The following ROR1 variants were observed in gnomAD, a reference collection of about 807,000 sequenced individuals.
ROR1 encodes inactive tyrosine-protein kinase transmembrane receptor ROR1.
In ROR1, 19 loss-of-function variants were observed where a neutral mutation model predicts 78.8. The ratio of observed to expected loss-of-function variants is 0.24; its 90% CI spans 0.17 to 0.35. The LOEUF is 0.35. Among genes scored for constraint, ROR1 ranks in the 10% least tolerant of loss-of-function variants. ROR1 has a pLI of 1.00. For synonymous variants in ROR1, 386 were observed against 433.6 expected, an observed-to-expected ratio of 0.89 and a Z score of 1.36; for missense variants, 917 against 1,177.8, an observed-to-expected ratio of 0.78 and a Z score of 3.24.
intron 1 of ROR1, among the ~76,000 whole-genome samples, chr1:63,871,678 AG>A (rs1312625573): frequency 6.6e-6 from 1 of 152,210 alleles, no homozygotes; most frequent in African/African-American, 2.4e-5. Context: ...TATTTTGTAA[AG>A]CTGTAATTTA....
At chr1:64,084,741 C>G (rs535568620) in intron 4 of ROR1, among the ~76,000 whole-genome samples, 1 of 152,292 alleles carries the variant, frequency 6.6e-6, no homozygotes, top group African/African-American at 2.4e-5. Context: ...GTTAATTACC[C>G]CCCAAACTCC....
intron 1 of ROR1, among the ~76,000 whole-genome samples, chr1:63,977,932 G>A (rs1646174916): frequency 6.6e-6 from 1 of 152,128 alleles, no homozygotes; most frequent in South Asian, 2.1e-4. Flanking sequence ...GAGCACTTAA[G>A]TTCAACCTCC....
intron 4 of ROR1, among the ~76,000 whole-genome samples, chr1:64,097,214 G>A (rs1647332999): frequency 9.5e-6 from 1 of 105,426 alleles, no homozygotes; most frequent in Non-Finnish European, 1.8e-5. Flanking sequence ...GGCTTTAGAG[G>A]TGACTTGCAT....
chr1:63,879,574 G>A (rs1448377250), intron 1 of ROR1, among the ~76,000 whole-genome samples: 1 of 152,096 alleles, frequency 6.6e-6, no homozygotes, highest in Non-Finnish European at 1.5e-5. Context: ...AGATAGGTTT[G>A]CAAAACACTG....
rs748051086 is a variant in ROR1 at position 63,785,505 on chromosome 1, A to AT, written c.91+11000dup. On this transcript the variant is annotated intron_variant, in intron 1 of 8. Coordinates refer to ENST00000371079, the MANE Select transcript of ROR1 (RefSeq NM_005012.4). ...AACTATATATATATATATTTTATTT[A>AT]TTTATTTATTTATTTATTTATTTAA... is the stretch of plus-strand genomic sequence containing the variant. 5.1e-4 allele frequency among the ~76,000 whole-genome samples: 35 copies of AT among 68,336 alleles called. No homozygotes were observed. In the African/African-American group the frequency reaches 8.4e-3, roughly 16 times the overall value. The allele number at this position is 68,336 out of a possible 152,430, so 44.8% of individuals were successfully genotyped here.
chr1:64,069,912 A>G (rs1646989911), intron 4 of ROR1, among the ~76,000 whole-genome samples: 1 of 152,162 alleles, frequency 6.6e-6, no homozygotes, highest in South Asian at 2.1e-4. Flanking sequence ...GTACATTCAC[A>G]GTGTGGTATG....
At chr1:64,078,562 T>C (rs1160293906) in intron 4 of ROR1, among the ~76,000 whole-genome samples, 2 of 152,134 alleles carry the variant, frequency 1.3e-5, no homozygotes, top group South Asian at 4.1e-4. Context: ...ATGCAGAGCC[T>C]ATTCCTAGGG....
chr1:63,837,233 C>T (rs1450086236), intron 1 of ROR1, among the ~76,000 whole-genome samples: 1 of 152,200 alleles, frequency 6.6e-6, no homozygotes, highest in Admixed American at 6.5e-5. Context: ...GGGCTGCATT[C>T]ATTTCCCAAA....
chr1:64,162,772 T>C (rs370208130), intron 8 of ROR1, among the ~76,000 whole-genome samples: 4 of 152,348 alleles, frequency 2.6e-5, no homozygotes, highest in South Asian at 4.1e-4. Context: ...AATTTTACAA[T>C]CTGAGTGAGG....
intron 4 of ROR1, among the ~76,000 whole-genome samples, chr1:64,085,965 A>G (rs113193040): frequency 1.5e-4 from 23 of 152,326 alleles, no homozygotes; most frequent in Non-Finnish European, 7.4e-5. Flanking sequence ...ATGGCGGGAA[A>G]GAAAAACAGC....
rs566660660 is a variant in ROR1 at position 64,139,785 on chromosome 1, G to A, written c.611-324G>A. On this transcript the variant is annotated intron_variant, in intron 5 of 8. Coordinates refer to ENST00000371079, the MANE Select transcript of ROR1 (RefSeq NM_005012.4). ...AGAAGCCTCACAAAACTAATAAAAA[G>A]CACCAGATGAAACACAAAGTTCGAT... 7.9e-5 allele frequency among the ~76,000 whole-genome samples: 12 copies of A among 152,224 alleles called. No individual in the cohort carries two copies. The South Asian group carries it at 1.0e-3, about 13-fold the overall frequency.
chr1:63,928,572 G>A (rs990427960), intron 1 of ROR1, among the ~76,000 whole-genome samples: 10 of 152,142 alleles, frequency 6.6e-5, no homozygotes, highest in Admixed American at 1.3e-4. Context: ...CACTAATGTG[G>A]TGATAAGACT....
At chr1:63,877,055 A>C (rs989416533) in intron 1 of ROR1, among the ~76,000 whole-genome samples, 1 of 152,142 alleles carries the variant, frequency 6.6e-6, no homozygotes, top group Non-Finnish European at 1.5e-5. Context: ...CACAATGATT[A>C]GCGCTAACTT....
chr1:64,100,770 A>G (rs973123361), intron 4 of ROR1, among the ~76,000 whole-genome samples: 13 of 152,186 alleles, frequency 8.5e-5, no homozygotes, highest in Admixed American at 7.9e-4. Context: ...TCTACCCACC[A>G]CAGGAAAACA....
rs928437648 is a variant in ROR1 at position 64,173,839 on chromosome 1, C to G, written c.1387-3589C>G. Among the ~76,000 whole-genome samples, 17 of 152,186 alleles carry G rather than the reference C, an allele frequency of 1.1e-4. 1 individual carries two copies. The highest frequency in any genetic ancestry group is 9.2e-4 in the Admixed American group (14 of 15,280). ...AGTTTGGCTGGCTTGCTTCCTTTACCCATCTGCTACCATCCACTCTTCCAC... is the reference window on the plus strand; with the variant it reads ...AGTTTGGCTGGCTTGCTTCCTTTACGCATCTGCTACCATCCACTCTTCCAC... On this transcript the variant is annotated intron_variant, in intron 8 of 8. Transcript: ENST00000371079.
intron 1 of ROR1, among the ~76,000 whole-genome samples, chr1:63,777,999 C>T (rs1423361234): frequency 6.6e-6 from 1 of 152,190 alleles, no homozygotes; most frequent in African/African-American, 2.4e-5. Flanking sequence ...CTTGTCCCAT[C>T]TTCTAGTATG....
chr1:64,122,168 T>A (rs1258747747), intron 4 of ROR1, among the ~76,000 whole-genome samples: 1 of 152,136 alleles, frequency 6.6e-6, no homozygotes, highest in Non-Finnish European at 1.5e-5. Flanking sequence ...AAGATCCAAT[T>A]TGTGAGCTAG....
At chr1:64,097,267 C>T (rs1647335154) in intron 4 of ROR1, among the ~76,000 whole-genome samples, 2 of 152,030 alleles carry the variant, frequency 1.3e-5, no homozygotes, top group African/African-American at 4.8e-5. Flanking sequence ...CAGCAACAGA[C>T]AGTGGAATCC....
chr1:64,149,749 G>A (rs1020876839), intron 7 of ROR1, among the ~76,000 whole-genome samples: 1 of 152,190 alleles, frequency 6.6e-6, no homozygotes, highest in Admixed American at 6.5e-5. Flanking sequence ...CTTGGGTTGG[G>A]TGTAAACTAA....
Sources: allele counts gnomAD v4.1 joint callset (sites outside exome capture counted in the v4.1 genomes callset), GRCh38; gene constraint gnomAD v4.1.1; transcripts MANE v1.5; gene names NCBI Gene and HGNC (gene_info 2026-07-23, HGNC 2026-07-21).